MIB1: variants seen among roughly 807,000 people sequenced by gnomAD.
MIB1 encodes E3 ubiquitin-protein ligase MIB1.
MIB1 carries 278 observed loss-of-function variants against 124.5 expected under a neutral mutation model. The ratio of observed to expected loss-of-function variants is 2.23; its 90% CI spans 2.02 to 2.47. The LOEUF (loss-of-function observed/expected upper bound fraction) is 2.47. Among genes scored for constraint, MIB1 ranks in the 30% most tolerant of loss-of-function variants. The probability of loss-of-function intolerance (pLI) is 0.00; values close to 1 mark genes in which losing one functional copy is unlikely to be tolerated. For synonymous variants in MIB1, 446 were observed against 429.4 expected (o/e 1.04, Z -0.48); for missense variants, 957 against 1,254.4 (o/e 0.76, Z 3.58).
intron 1 of MIB1, among the ~76,000 whole-genome samples, chr18:21,731,218 T>C (rs888026086): frequency 6.6e-6 from 1 of 152,224 alleles, no homozygotes; most frequent in Non-Finnish European, 1.5e-5. Context: ...GCAGTGACTG[T>C]CTTTCTCATT....
chr18:21,832,626 A>T (rs779548490), intron 12 of MIB1, among the ~76,000 whole-genome samples: 1 of 152,152 alleles, frequency 6.6e-6, no homozygotes, highest in Non-Finnish European at 1.5e-5. Flanking sequence ...AACTATTACG[A>T]GTTTTCTGAG....
intron 19 of MIB1, 75 bp downstream of exon 19, chr18:21,857,318 A>C: frequency 1.2e-6 from 1 of 854,184 alleles, no homozygotes; most frequent in South Asian, 1.4e-5. Context: ...TCTCTTTCGT[A>C]ATACACTACT....
intron 1 of MIB1, among the ~76,000 whole-genome samples, chr18:21,746,265 T>G (rs2040911878): frequency 6.6e-6 from 1 of 152,220 alleles, no homozygotes. Context: ...TCTGATACGA[T>G]TTTTCTCACT....
At position 21,802,766 on chromosome 18, in the gene MIB1, T is replaced by A. The variant is rs149084859; in HGVS notation, c.1372-1141T>A. On this transcript the variant is annotated intron_variant, in intron 9 of 20. Coordinates refer to ENST00000261537, the MANE Select transcript of MIB1 (RefSeq NM_020774.4). Reference sequence around the variant, plus strand: ...ATATCTCAATAGGACCTTAACAAGCTGATTGATAGCTCTCCTCACTTGGAC... The same window carrying A: ...ATATCTCAATAGGACCTTAACAAGCAGATTGATAGCTCTCCTCACTTGGAC... Among the ~76,000 whole-genome samples the A allele has an allele frequency of 2.6e-5, 4 of 152,338 alleles. No homozygotes were observed. In the East Asian group the frequency reaches 7.7e-4, roughly 29 times the overall value.
chr18:21,807,966 C>T (rs2041727771), intron 10 of MIB1, among the ~76,000 whole-genome samples: 1 of 152,060 alleles, frequency 6.6e-6, no homozygotes, highest in Non-Finnish European at 1.5e-5. Flanking sequence ...TCCCATTCCC[C>T]CTACTGAATT....
At chr18:21,770,772 T>A (rs1221020181) in intron 3 of MIB1, among the ~76,000 whole-genome samples, 1 of 152,194 alleles carries the variant, frequency 6.6e-6, no homozygotes, top group African/African-American at 2.4e-5. Context: ...GTAGAAAGTA[T>A]AGTATAATAA....
chr18:21,745,675 A>AACACACACACACACAC lies in MIB1; in HGVS notation c.229+3883_229+3898dup, dbSNP rs144491531. On this transcript the variant is annotated intron_variant, in intron 1 of 20. Coordinates refer to ENST00000261537, the MANE Select transcript of MIB1 (RefSeq NM_020774.4). ...CCCCATGGTGAGTGCATAGGTGTTA[A>AACACACACACACACAC]ACACACACACACACACACACACACA... Among the ~76,000 whole-genome samples, 552 of 144,734 alleles carry AACACACACACACACAC rather than the reference A, an allele frequency of 3.8e-3. 4 individuals are homozygous for AACACACACACACACAC. The highest frequency in any genetic ancestry group is 0.013 in the African/African-American group (505 of 39,416). 95.0% of individuals were successfully genotyped at this position (144,734 alleles called of 152,430 possible).
At chr18:21,732,477 A>C (rs1369303396) in intron 1 of MIB1, among the ~76,000 whole-genome samples, 2 of 148,796 alleles carry the variant, frequency 1.3e-5, no homozygotes, top group East Asian at 2.0e-4. Context: ...GCTTACTGCA[A>C]CCTCCATCTC....
chr18:21,724,370 C>A (rs1232200554), intron 1 of MIB1: 2 of 151,864 alleles, frequency 1.3e-5, no homozygotes, highest in Non-Finnish European at 2.9e-5. Flanking sequence ...ATAACATATA[C>A]ATTTAATGAA....
chr18:21,778,482 G>A (rs1332954367), intron 5 of MIB1, among the ~76,000 whole-genome samples: 3 of 152,030 alleles, frequency 2.0e-5, no homozygotes, highest in East Asian at 1.9e-4. Flanking sequence ...ATACACTATT[G>A]AGAATAGGAT....
rs1374253133 is a variant in MIB1, at chr18:21,843,125, GT to G, written c.1963-4del. The G allele has an allele frequency of 2.5e-6, 4 of 1,597,734 alleles. No homozygotes were observed. The highest frequency in any genetic ancestry group is 3.4e-6 in the Non-Finnish European group (4 of 1,173,326). Reference sequence around the variant, plus strand: ...TAACCATTTAACATTTGTTCTTCTCGTTCAGGGTAATGCAAACCTGGATATC... The same window carrying G: ...TAACCATTTAACATTTGTTCTTCTCGTCAGGGTAATGCAAACCTGGATATC... On this transcript the variant is annotated splice_region_variant and splice_polypyrimidine_tract_variant and intron_variant, in intron 13 of 20. Coordinates refer to ENST00000261537, the MANE Select transcript of MIB1 (RefSeq NM_020774.4).
chr18:21,781,075 T>C (rs1347931126), intron 6 of MIB1, among the ~76,000 whole-genome samples: 1 of 151,950 alleles, frequency 6.6e-6, no homozygotes, highest in African/African-American at 2.4e-5. Flanking sequence ...TTTTAAAAAT[T>C]TAAATTAAAA....
intron 1 of MIB1, among the ~76,000 whole-genome samples, chr18:21,726,704 G>C (rs1039271329): frequency 6.6e-6 from 1 of 152,188 alleles, no homozygotes; most frequent in Non-Finnish European, 1.5e-5. Flanking sequence ...GAGTGGCTAT[G>C]TAGATTGAGA....
Position 21,786,123 on chromosome 18 carries a change from GTCTC to G in MIB1, c.909-5245_909-5242del, listed in dbSNP as rs2041432240. Among the ~76,000 whole-genome samples the G allele has an allele frequency of 1.3e-4, 19 of 151,604 alleles. No homozygotes were observed. The South Asian group carries it at 4.0e-3, about 32-fold the overall frequency. ...TTTTCTGTTTTTTTTTTGAGACAGA[GTCTC>G]TCTCTGTCACCCAGGCTGGAGTGCA... is the stretch of plus-strand genomic sequence containing the variant. On this transcript the variant is annotated intron_variant, in intron 6 of 20. Coordinates refer to ENST00000261537, the MANE Select transcript of MIB1 (RefSeq NM_020774.4).
At chr18:21,709,534 C>T (rs935434500) in intron 1 of MIB1, among the ~76,000 whole-genome samples, 26 of 152,258 alleles carry the variant, frequency 1.7e-4, no homozygotes, top group African/African-American at 5.3e-4. Flanking sequence ...TTCACTGTAT[C>T]CTTATTTATT....
intron 3 of MIB1, among the ~76,000 whole-genome samples, chr18:21,769,726 G>A (rs2041204173): frequency 6.6e-6 from 1 of 152,128 alleles, no homozygotes; most frequent in South Asian, 2.1e-4. Context: ...ATGGTCAGAG[G>A]GGGCTGGAAG....
chr18:21,764,711 C>G (rs865935365), intron 1 of MIB1, among the ~76,000 whole-genome samples: 5 of 148,118 alleles, frequency 3.4e-5, no homozygotes, highest in Admixed American at 1.3e-4. Context: ...TCCCCTCTGC[C>G]TCCCTCCAGT....
rs778193794 is a variant in MIB1, at chr18:21,870,720, C to T, written c.*6054C>T. The T allele has an allele frequency of 6.6e-6, 1 of 152,032 alleles. No homozygotes were observed. Among genetic ancestry groups the T allele is most frequent in the Non-Finnish European group, 1.5e-5 (1 of 68,004 alleles). 9.4% of individuals were successfully genotyped at this position (152,032 alleles called of 1,614,324 possible). A position where few individuals can be genotyped will look rare whatever the true frequency, so the allele number is the denominator to read the frequency against. Reference sequence around the variant, plus strand: ...AAGTTATTGAGAGGTCATCTAGCTCCAGTTCAAAAGATTATGTATATCTGA... The same window carrying T: ...AAGTTATTGAGAGGTCATCTAGCTCTAGTTCAAAAGATTATGTATATCTGA... On this transcript the variant is annotated 3_prime_UTR_variant, in exon 21 of 21. Transcript: ENST00000261537.
chr18:21,791,637 T>C (rs2041505707), intron 7 of MIB1, 80 bp downstream of exon 7: 1 of 1,163,184 alleles, frequency 8.6e-7, no homozygotes, highest in African/African-American at 1.6e-5. Context: ...ATGTAGAAAT[T>C]AAATTGGCAT....
Sources: gnomAD v4.1 joint callset for allele counts (sites outside exome capture counted in the v4.1 genomes callset) on GRCh38, gnomAD v4.1.1 for gene constraint, MANE v1.5 for transcripts, NCBI Gene and HGNC (gene_info 2026-07-23, HGNC 2026-07-21) for gene names.